SEC61A2: variants seen among roughly 807,000 people sequenced by gnomAD.
SEC61A2 encodes the protein protein transport protein Sec61 subunit alpha isoform 2.
Under a neutral mutation model 59.9 loss-of-function variants are expected in SEC61A2, and 28 were observed. The observed-to-expected ratio is 0.47, with a 90% confidence interval of 0.35 to 0.64. The LOEUF is 0.64. SEC61A2 is among the 30% of genes least tolerant of loss of function. The pLI, the probability that SEC61A2 is intolerant of heterozygous loss-of-function variation, is 0.01. For synonymous variants in SEC61A2, 202 were observed against 214.4 expected (o/e 0.94, Z 0.50); for missense variants, 340 against 585.9 (o/e 0.58, Z 4.33).
intron 4 of SEC61A2, among the ~76,000 whole-genome samples, chr10:12,146,666 C>T (rs113592752): frequency 1.5e-4 from 23 of 151,944 alleles, no homozygotes; most frequent in African/African-American, 4.8e-4. Context: ...TACAGGTGCC[C>T]GCCACCACGC....
intron 3 of SEC61A2, among the ~76,000 whole-genome samples, chr10:12,141,781 GGTCT>G (rs1834026207): frequency 6.6e-6 from 1 of 152,116 alleles, no homozygotes; most frequent in Non-Finnish European, 1.5e-5. Context: ...TTGCCCCAGG[GGTCT>G]GTCCTGTGTA....
At chr10:12,166,619 C>T (rs1433350825), downstream of SEC61A2, 2 of 410,488 alleles carry the variant, frequency 4.9e-6, no homozygotes, top group Non-Finnish European at 1.0e-5. Flanking sequence ...ATATGGTTCT[C>T]AGGGCCTGGC....
rs565623017 is a variant in SEC61A2 at position 12,155,277 on chromosome 10, CATAT to C, written c.463-495_463-492del. ...TTCTGTACACATTTTATAGAGTATA[CATAT>C]ATATAATATATATAATGCTTTTTTC... On this transcript the variant is annotated intron_variant, in intron 6 of 11. Transcript: ENST00000298428. The surrounding 1 kb of genome is among the most constrained non-coding windows in gnomAD (Gnocchi z 4.3). 1.4e-4 allele frequency: 187 copies of C among 1,369,794 alleles called. No homozygotes were observed. In the Admixed American group the frequency reaches 2.3e-3, roughly 17 times the overall value. 84.9% of individuals were successfully genotyped at this position (1,369,794 alleles called of 1,614,324 possible). A position where few individuals can be genotyped will look rare whatever the true frequency, so the allele number is the denominator to read the frequency against.
At chr10:12,141,519 GT>G (rs1427995337) in intron 3 of SEC61A2, among the ~76,000 whole-genome samples, 2 of 152,076 alleles carry the variant, frequency 1.3e-5, no homozygotes, top group Non-Finnish European at 2.9e-5. Context: ...TTTTGTTGTT[GT>G]TTTAATGAAA....
intron 3 of SEC61A2, among the ~76,000 whole-genome samples, chr10:12,136,893 G>T (rs2131646863): frequency 1.3e-5 from 2 of 152,232 alleles, no homozygotes; most frequent in Middle Eastern, 3.4e-3. Context: ...GCCTCCCAAA[G>T]TGTTGGTATT....
chr10:12,139,071 C>T (rs1202388461), intron 3 of SEC61A2, among the ~76,000 whole-genome samples: 1 of 152,150 alleles, frequency 6.6e-6, no homozygotes, highest in Non-Finnish European at 1.5e-5. Context: ...AAGCGATTCT[C>T]CTATCTCAGC....
intron 3 of SEC61A2, 147 bp downstream of exon 3, chr10:12,136,317 A>G (rs1244142253): frequency 2.2e-6 from 1 of 449,366 alleles, no homozygotes. Flanking sequence ...TTTATTATTA[A>G]TTTTTTTTTG....
Position 12,129,804 on chromosome 10 carries a change from G to A in SEC61A2, c.7+10G>A. On this transcript the variant is annotated intron_variant, in intron 1 of 11. Transcript: ENST00000298428. This position sits in a 1 kb window ranked among gnomAD's most constrained non-coding sequence, Gnocchi z 5.6. ...GCAGCAGCCATGGGCAGTGAGTAGC[G>A]GCGGCTGGAGCGGGGACTCTGGCTG... The A allele has an allele frequency of 2.1e-6, 3 of 1,431,244 alleles. No individual in the cohort carries two copies. The highest frequency in any genetic ancestry group is 1.5e-5 in the African/African-American group (1 of 67,808). The allele number at this position is 1,431,244 out of a possible 1,614,324, so 88.7% of individuals were successfully genotyped here.
chr10:12,160,944 A>G lies in SEC61A2; in HGVS notation c.990A>G (p.Gly330=), dbSNP rs1834511556. The change falls in exon 10 of 12, where the codon GGA becomes GGG. Residue 330 remains glycine (G), a synonymous_variant. Coordinates refer to ENST00000298428, the MANE Select transcript of SEC61A2 (RefSeq NM_018144.4). The surrounding 1 kb of genome is among the most constrained non-coding windows in gnomAD (Gnocchi z 4.1). ...LLGQWADVSG[G]GPARSYPVGG... ...CTGTTCTGTAGGATGTCAGTGGGGG[A>G]GGACCCGCACGTTCTTACCCAGTTG... The G allele has an allele frequency of 6.2e-7, 1 of 1,612,178 alleles. No individual in the cohort carries two copies. Among genetic ancestry groups the G allele is most frequent in the South Asian group, 1.1e-5 (1 of 90,748 alleles).
chr10:12,157,705 G>A (rs543975533), intron 8 of SEC61A2, among the ~76,000 whole-genome samples: 2 of 152,000 alleles, frequency 1.3e-5, no homozygotes, highest in Non-Finnish European at 2.9e-5. Context: ...ATTTCACCAC[G>A]TTGGCCAGGA....
chr10:12,166,446 T>G (rs1394612046), downstream of SEC61A2: 1 of 233,932 alleles, frequency 4.3e-6, no homozygotes. Flanking sequence ...ATCTGTAAAG[T>G]TCTGTATTTC....
Position 12,152,036 on chromosome 10 carries a change from A to C in SEC61A2, c.462+2075A>C, listed in dbSNP as rs1422871573. Among the ~76,000 whole-genome samples, 1 of 152,254 alleles carries C rather than the reference A, an allele frequency of 6.6e-6. No homozygotes were observed. Among genetic ancestry groups the C allele is most frequent in the African/African-American group, 2.4e-5 (1 of 41,476 alleles). On this transcript the variant is annotated intron_variant, in intron 6 of 11. Coordinates refer to ENST00000298428, the MANE Select transcript of SEC61A2 (RefSeq NM_018144.4). The surrounding 1 kb of genome is among the most constrained non-coding windows in gnomAD (Gnocchi z 5.5). The stretch of plus-strand genomic sequence containing the variant: ...GTATTTATTTAGCATTGTTAACAAT[A>C]AACATGACTTTTCTAATGAGATGGA...
Position 12,152,984 on chromosome 10 carries a change from T to G in SEC61A2, c.463-2794T>G, listed in dbSNP as rs1834313689. Among the ~76,000 whole-genome samples the G allele has an allele frequency of 6.7e-6, 1 of 150,314 alleles. No homozygotes were observed. Among genetic ancestry groups the G allele is most frequent in the Non-Finnish European group, 1.5e-5 (1 of 67,668 alleles). On this transcript the variant is annotated intron_variant, in intron 6 of 11. Coordinates refer to ENST00000298428, the MANE Select transcript of SEC61A2 (RefSeq NM_018144.4). The surrounding 1 kb of genome is among the most constrained non-coding windows in gnomAD (Gnocchi z 5.5). ...TGAGGCAGGAGAATCGCTTGAACTC[T>G]GGAGTCGGAGTTTGCAGTGAGCCGA... is the stretch of plus-strand genomic sequence containing the variant.
At position 12,143,777 on chromosome 10, in the gene SEC61A2, G is replaced by C. The variant is rs77100906; in HGVS notation, c.220+582G>C. On this transcript the variant is annotated intron_variant, in intron 4 of 11. Coordinates refer to ENST00000298428, the MANE Select transcript of SEC61A2 (RefSeq NM_018144.4). The surrounding 1 kb of genome is among the most constrained non-coding windows in gnomAD (Gnocchi z 4.8). ...GTGTGTGAGCCAATCGGGGAGCTCA[G>C]CTGGAGCTGAGCCTGAAGCCTCAAG... Among the ~76,000 whole-genome samples the C allele has an allele frequency of 6.6e-6, 1 of 152,276 alleles. No homozygotes were observed. Among genetic ancestry groups the C allele is most frequent in the East Asian group, 1.9e-4 (1 of 5,174 alleles).
Position 12,155,290 on chromosome 10 carries a change from T to C in SEC61A2, c.463-488T>C, listed in dbSNP as rs747866139. 1.7e-4 allele frequency: 254 copies of C among 1,466,310 alleles called. No individual in the cohort carries two copies. The highest frequency in any genetic ancestry group is 2.4e-4 in the Middle Eastern group (1 of 4,172). The allele number at this position is 1,466,310 out of a possible 1,614,324, so 90.8% of individuals were successfully genotyped here. A position where few individuals can be genotyped will look rare whatever the true frequency, so the allele number is the denominator to read the frequency against. ...TTATAGAGTATACATATATATAATA[T>C]ATATAATGCTTTTTTCAAAGGATCA... On this transcript the variant is annotated intron_variant, in intron 6 of 11. Transcript: ENST00000298428. The surrounding 1 kb of genome is among the most constrained non-coding windows in gnomAD (Gnocchi z 4.3).
chr10:12,139,039 G>A (rs903181358), intron 3 of SEC61A2, among the ~76,000 whole-genome samples: 2 of 152,112 alleles, frequency 1.3e-5, no homozygotes, highest in Admixed American at 6.5e-5. Flanking sequence ...TCGGCTCACC[G>A]CAAGCTCCGC....
At position 12,162,453 on chromosome 10, in the gene SEC61A2, C is replaced by A; in HGVS notation, c.1244+164C>A. On this transcript the variant is annotated intron_variant, in intron 11 of 11. Coordinates refer to ENST00000298428, the MANE Select transcript of SEC61A2 (RefSeq NM_018144.4). The surrounding 1 kb of genome is among the most constrained non-coding windows in gnomAD (Gnocchi z 6.1). ...CTTGTTTTCCATGTCAAAACCAACA[C>A]CTGAATTTTTCATTGAAATTGTGAG... 1 of 773,222 alleles carries A rather than the reference C, an allele frequency of 1.3e-6. No individual in the cohort carries two copies. The highest frequency in any genetic ancestry group is 2.4e-6 in the Non-Finnish European group (1 of 423,836). The allele number at this position is 773,222 out of a possible 1,614,324, so 47.9% of individuals were successfully genotyped here.
At chr10:12,167,904 A>T, downstream of SEC61A2, 1 of 1,555,580 alleles carries the variant, frequency 6.4e-7, no homozygotes, top group Non-Finnish European at 8.6e-7. Flanking sequence ...GTACTACTAT[A>T]TGTCACTTCC....
rs958525876 is a variant in SEC61A2, at chr10:12,162,860, C to T, written c.1244+571C>T. Among the ~76,000 whole-genome samples the T allele has an allele frequency of 6.6e-6, 1 of 152,130 alleles. No homozygotes were observed. The highest frequency in any genetic ancestry group is 1.5e-5 in the Non-Finnish European group (1 of 68,026). On this transcript the variant is annotated intron_variant, in intron 11 of 11. Transcript: ENST00000298428. This position sits in a 1 kb window ranked among gnomAD's most constrained non-coding sequence, Gnocchi z 6.1. ...TCTCTACAGATTTGCCTATTCTGTA[C>T]ATTTCATATAAATGGAATCATATAA...
Sources: gnomAD v4.1 joint callset for allele counts (sites outside exome capture counted in the v4.1 genomes callset) on GRCh38, gnomAD v4.1.1 for gene constraint, Gnocchi (gnomAD v3.1) non-coding constraint, MANE v1.5 for transcripts, NCBI Gene and HGNC (gene_info 2026-07-23, HGNC 2026-07-21) for gene names.